Variants in IGFBP7 observed in about 807,000 individuals in gnomAD.
IGFBP7 encodes the protein insulin-like growth factor-binding protein 7.
Under a neutral mutation model 29.4 loss-of-function variants are expected in IGFBP7, and 31 were observed. The ratio of observed to expected loss-of-function variants is 1.05; its 90% CI spans 0.79 to 1.42. IGFBP7 has a LOEUF of 1.42. Among genes scored for constraint, IGFBP7 ranks in the 40% most tolerant of loss-of-function variants. The probability of loss-of-function intolerance (pLI) is 0.00; values close to 1 mark genes in which losing one functional copy is unlikely to be tolerated. For missense variants in IGFBP7, 393 were observed against 395.5 expected, an observed-to-expected ratio of 0.99 and a Z score of 0.05; for synonymous variants, 172 against 174.9, an observed-to-expected ratio of 0.98 and a Z score of 0.13.
At chr4:57,046,265 C>T (rs1355987203) in intron 1 of IGFBP7, among the ~76,000 whole-genome samples, 5 of 152,118 alleles carry the variant, frequency 3.3e-5, no homozygotes, top group Admixed American at 3.3e-4. Flanking sequence ...CATTGATCAG[C>T]AATTTCACTG....
At chr4:57,089,260 T>A (rs528330199) in intron 1 of IGFBP7, among the ~76,000 whole-genome samples, 24 of 152,334 alleles carry the variant, frequency 1.6e-4, no homozygotes, top group African/African-American at 5.5e-4. Flanking sequence ...TAGACTTTTT[T>A]AAAGCAGTTT....
intron 1 of IGFBP7, among the ~76,000 whole-genome samples, chr4:57,076,958 CCAAT>C (rs1281350919): frequency 1.3e-5 from 2 of 152,078 alleles, no homozygotes; most frequent in Non-Finnish European, 1.5e-5. Flanking sequence ...TCAATCATAT[CCAAT>C]CAAATGATGG....
At chr4:57,040,750 A>G in intron 2 of IGFBP7, 74 bp downstream of exon 2, 1 of 1,081,800 alleles carries the variant, frequency 9.2e-7, no homozygotes, top group South Asian at 1.3e-5. Context: ...TGAGGATTTA[A>G]CGTTTTACCA....
rs116345661 is a variant in IGFBP7 at position 57,109,298 on chromosome 4, G to T, written c.475+579C>A. Among the ~76,000 whole-genome samples the T allele has an allele frequency of 6.3e-3, 957 of 152,206 alleles. 10 individuals are homozygous for T. The highest frequency in any genetic ancestry group is 0.022 in the African/African-American group (921 of 41,524). ...AAACAAAAAACCAAAAATTGGCCAG[G>T]CGTGGTGGCACAGGCTTATAGTCCC... On this transcript the variant is annotated intron_variant, in intron 1 of 4. Transcript: ENST00000295666.
rs146398743 is a variant in IGFBP7 at position 57,031,297 on chromosome 4, A to G, written c.*20T>C. 3.0e-4 allele frequency: 480 copies of G among 1,598,624 alleles called. 2 individuals carry two copies. The African/African-American group carries it at 5.7e-3, about 19-fold the overall frequency. ...TCCATGACTACTTTTAACCATGCAG[A>G]CTAATAATATTCTGGAGGTTTATAG... On this transcript the variant is annotated 3_prime_UTR_variant, in exon 5 of 5. Coordinates refer to ENST00000295666, the MANE Select transcript of IGFBP7 (RefSeq NM_001553.3).
chr4:57,031,901 T>G (rs191944052), intron 4 of IGFBP7: 16 of 167,258 alleles, frequency 9.6e-5, no homozygotes, highest in Admixed American at 3.3e-4. Flanking sequence ...GACATCAGTT[T>G]CATAGAACTA....
intron 1 of IGFBP7, among the ~76,000 whole-genome samples, chr4:57,044,777 G>A (rs1441060246): frequency 1.3e-5 from 2 of 152,200 alleles, no homozygotes; most frequent in East Asian, 1.9e-4. Context: ...TACTAAAGTT[G>A]AAGCACTAAA....
At chr4:57,078,150 A>G (rs1263514047) in intron 1 of IGFBP7, among the ~76,000 whole-genome samples, 1 of 152,058 alleles carries the variant, frequency 6.6e-6, no homozygotes, top group African/African-American at 2.4e-5. Context: ...CCACGGTAAC[A>G]AAATCAACAG....
intron 1 of IGFBP7, among the ~76,000 whole-genome samples, chr4:57,054,039 G>A (rs936687121): frequency 2.6e-5 from 4 of 151,970 alleles, no homozygotes; most frequent in South Asian, 2.1e-4. Context: ...ATGAGATCTT[G>A]TTACATTGCC....
chr4:57,103,924 G>A (rs1006337383), intron 1 of IGFBP7, among the ~76,000 whole-genome samples: 5 of 151,876 alleles, frequency 3.3e-5, no homozygotes, highest in Admixed American at 3.3e-4. Flanking sequence ...GTCATCATGA[G>A]GGACAATAGA....
intron 1 of IGFBP7, among the ~76,000 whole-genome samples, chr4:57,097,710 TA>T (rs201108946): frequency 1.3e-5 from 2 of 151,370 alleles, no homozygotes; most frequent in Non-Finnish European, 2.9e-5. Flanking sequence ...GTCTTGCAGG[TA>T]AAAAAAAATC....
chr4:57,102,446 AAG>A (rs1725922060), intron 1 of IGFBP7, among the ~76,000 whole-genome samples: 1 of 152,078 alleles, frequency 6.6e-6, no homozygotes, highest in East Asian at 1.9e-4. Flanking sequence ...AGCTCTCCTA[AAG>A]AGAGTCTCCT....
chr4:57,087,890 G>C (rs6858683), intron 1 of IGFBP7, among the ~76,000 whole-genome samples: 128,222 of 152,250 alleles, frequency 0.84, 54,149 homozygotes, highest in Middle Eastern at 0.92. Flanking sequence ...GCTTGGCCAG[G>C]TGTGGTGGCT....
At chr4:57,078,027 G>A (rs1051152385) in intron 1 of IGFBP7, among the ~76,000 whole-genome samples, 2 of 152,068 alleles carry the variant, frequency 1.3e-5, no homozygotes, top group African/African-American at 2.4e-5. Flanking sequence ...GAGCTGGACC[G>A]GATGACTTTC....
At chr4:57,071,378 A>G (rs373731546) in intron 1 of IGFBP7, among the ~76,000 whole-genome samples, 7 of 152,294 alleles carry the variant, frequency 4.6e-5, no homozygotes, top group African/African-American at 1.4e-4. Flanking sequence ...TAGGAGGCCT[A>G]TTTGGGGCTT....
intron 1 of IGFBP7, among the ~76,000 whole-genome samples, chr4:57,082,960 G>C (rs1036031681): frequency 1.3e-5 from 2 of 151,928 alleles, no homozygotes; most frequent in East Asian, 3.9e-4. Context: ...AACAATCCAT[G>C]TATTATGTAT....
chr4:57,071,326 G>C lies in IGFBP7; in HGVS notation c.476-30393C>G, dbSNP rs139702823. Among the ~76,000 whole-genome samples, 431 of 152,322 alleles carry C rather than the reference G, an allele frequency of 2.8e-3. 3 individuals are homozygous for C. The highest frequency in any genetic ancestry group is 9.4e-3 in the African/African-American group (391 of 41,576). ...ATTGAATATACATACATCTCAGCAA[G>C]TCAGAGAGGTCTGCATGCGTTAGGA... is the stretch of plus-strand genomic sequence containing the variant. On this transcript the variant is annotated intron_variant, in intron 1 of 4. Transcript: ENST00000295666.
At chr4:57,096,343 G>A (rs971949140) in intron 1 of IGFBP7, among the ~76,000 whole-genome samples, 22 of 149,868 alleles carry the variant, frequency 1.5e-4, no homozygotes, top group Admixed American at 2.7e-4. Context: ...GCAAAAACTG[G>A]CCTATTATTA....
chr4:57,088,037 C>T (rs776792075), intron 1 of IGFBP7, among the ~76,000 whole-genome samples: 6 of 152,180 alleles, frequency 3.9e-5, no homozygotes, highest in African/African-American at 9.7e-5. Context: ...GGCACAATCA[C>T]GGCTCACTGC....
Sources: allele counts gnomAD v4.1 joint callset (sites outside exome capture counted in the v4.1 genomes callset), GRCh38; gene constraint gnomAD v4.1.1; transcripts MANE v1.5; gene names NCBI Gene and HGNC (gene_info 2026-07-23, HGNC 2026-07-21).